The following PHACTR1 variants were observed in gnomAD, a reference collection of about 807,000 sequenced individuals.
The protein encoded by PHACTR1 is RPEL repeat containing 1.
A neutral mutation model predicts 69.2 loss-of-function variants in PHACTR1; 16 were observed. That is an observed-to-expected ratio of 0.23 (90% CI 0.16 to 0.35). The LOEUF (loss-of-function observed/expected upper bound fraction) is 0.35. PHACTR1 is among the 10% of genes least tolerant of loss of function. The pLI, the probability that PHACTR1 is intolerant of heterozygous loss-of-function variation, is 1.00. For missense variants in PHACTR1, 510 were observed against 734.7 expected, an observed-to-expected ratio of 0.69 and a Z score of 3.54; for synonymous variants, 312 against 284.5, an observed-to-expected ratio of 1.10 and a Z score of -0.97.
chr6:13,224,845 G>A (rs6458720), intron 8 of PHACTR1, among the ~76,000 whole-genome samples: 100,484 of 152,010 alleles, frequency 0.66, 33,749 homozygotes, highest in Admixed American at 0.72. Context: ...CGCTCCGACA[G>A]CTCTGGAGAC....
chr6:12,846,228 C>T (rs948961206), intron 4 of PHACTR1, among the ~76,000 whole-genome samples: 23 of 152,264 alleles, frequency 1.5e-4, no homozygotes, highest in African/African-American at 4.6e-4. Context: ...GCTTAGTAAG[C>T]ATGTGCGTTT....
At chr6:12,937,699 G>A (rs1408487192) in intron 4 of PHACTR1, among the ~76,000 whole-genome samples, 1 of 152,090 alleles carries the variant, frequency 6.6e-6, no homozygotes, top group Non-Finnish European at 1.5e-5. Context: ...TCCCAGAGAG[G>A]GTGCTGAGTA....
chr6:12,806,739 A>G, intron 4 of PHACTR1, among the ~76,000 whole-genome samples: 1 of 152,302 alleles, frequency 6.6e-6, no homozygotes, highest in East Asian at 1.9e-4. Flanking sequence ...TTTTTTTATA[A>G]AACAGATCTG....
rs140200239 is a variant in PHACTR1, at chr6:13,068,612, G to A, written c.415+15083G>A. Among the ~76,000 whole-genome samples the A allele has an allele frequency of 1.8e-3, 269 of 152,246 alleles. 1 individual carries two copies. Among genetic ancestry groups the A allele is most frequent in the African/African-American group, 6.3e-3 (263 of 41,542 alleles). ...AGTTTAGGAGCCTGCCTTTAGACAC[G>A]TTGTACAATTCCACAAAGCTGGAGT... is the stretch of plus-strand genomic sequence containing the variant. On this transcript the variant is annotated intron_variant, in intron 5 of 14. Coordinates refer to ENST00000332995, the MANE Select transcript of PHACTR1 (RefSeq NM_030948.6).
chr6:13,031,747 A>C (rs1802484959), intron 4 of PHACTR1, among the ~76,000 whole-genome samples: 1 of 152,066 alleles, frequency 6.6e-6, no homozygotes, highest in African/African-American at 2.4e-5. Flanking sequence ...AATAAGATTG[A>C]CATTACTCAT....
At chr6:13,205,440 A>T (rs1298477289) in intron 7 of PHACTR1, among the ~76,000 whole-genome samples, 1 of 152,224 alleles carries the variant, frequency 6.6e-6, no homozygotes, top group Non-Finnish European at 1.5e-5. Flanking sequence ...TCCAAACCAT[A>T]GTTTGGCGTA....
intron 4 of PHACTR1, among the ~76,000 whole-genome samples, chr6:12,817,194 G>A (rs1355857031): frequency 1.3e-5 from 2 of 152,112 alleles, no homozygotes; most frequent in Non-Finnish European, 2.9e-5. Context: ...AGTGAATTTG[G>A]GGAGAGTGGA....
At chr6:12,806,804 A>G (rs2127687248) in intron 4 of PHACTR1, among the ~76,000 whole-genome samples, 1 of 152,316 alleles carries the variant, frequency 6.6e-6, no homozygotes, top group Middle Eastern at 3.4e-3. Context: ...GGATGATTAA[A>G]ATACTTTACA....
At chr6:13,132,496 G>A (rs1276139103) in intron 5 of PHACTR1, among the ~76,000 whole-genome samples, 2 of 152,102 alleles carry the variant, frequency 1.3e-5, no homozygotes, top group African/African-American at 4.8e-5. Flanking sequence ...GTCTATTCAC[G>A]ATGTCATGGT....
At chr6:13,103,809 T>C (rs1937771) in intron 5 of PHACTR1, among the ~76,000 whole-genome samples, 68,252 of 152,142 alleles carry the variant, frequency 0.45, 15,777 homozygotes, top group South Asian at 0.52. Context: ...ATTGGCAGGG[T>C]GCAGTGGCGC....
At chr6:12,733,828 C>T (rs925834641) in intron 3 of PHACTR1, among the ~76,000 whole-genome samples, 1 of 152,180 alleles carries the variant, frequency 6.6e-6, no homozygotes, top group East Asian at 1.9e-4. Context: ...CCATTAATTA[C>T]AGCAACTATA....
chr6:13,128,820 C>T (rs1819954756), intron 5 of PHACTR1, among the ~76,000 whole-genome samples: 1 of 151,984 alleles, frequency 6.6e-6, no homozygotes, highest in Non-Finnish European at 1.5e-5. Context: ...AAACTCATTG[C>T]AAAAAGATTA....
In PHACTR1 at chr6:12,718,756, C is replaced by T; in HGVS notation, c.12C>T (p.Pro4=). The change falls in exon 3 of 15, where the codon CCC becomes CCT. Residue 4 remains proline (P), a synonymous_variant. Coordinates refer to ENST00000332995, the MANE Select transcript of PHACTR1 (RefSeq NM_030948.6). MDY[P]KMDYFLDVES... is the part of the protein sequence containing the mutation. ...TTGGAACATCAAGGATGGATTATCCCAAAATGGATTATTTTCTGGATGTAG... is the reference window on the plus strand; with the variant it reads ...TTGGAACATCAAGGATGGATTATCCTAAAATGGATTATTTTCTGGATGTAG... 1 of 1,549,428 alleles carries T rather than the reference C, an allele frequency of 6.5e-7. No homozygotes were observed. The highest frequency in any genetic ancestry group is 8.8e-7 in the Non-Finnish European group (1 of 1,141,978).
At chr6:12,798,949 C>T (rs1292879929) in intron 4 of PHACTR1, among the ~76,000 whole-genome samples, 1 of 152,172 alleles carries the variant, frequency 6.6e-6, no homozygotes, top group African/African-American at 2.4e-5. Context: ...ACCAGTTGCA[C>T]CCAAAAGTAT....
chr6:13,224,081 C>A (rs1057491139), intron 8 of PHACTR1, among the ~76,000 whole-genome samples: 12 of 152,198 alleles, frequency 7.9e-5, no homozygotes, highest in African/African-American at 2.9e-4. Flanking sequence ...ATATTTATTT[C>A]ATTCGGCTAA....
chr6:13,163,979 C>T (rs1583664341), intron 6 of PHACTR1, among the ~76,000 whole-genome samples: 1 of 152,122 alleles, frequency 6.6e-6, no homozygotes, highest in East Asian at 1.9e-4. Context: ...TTATGTGCCT[C>T]ACCCTAGGTG....
intron 8 of PHACTR1, among the ~76,000 whole-genome samples, chr6:13,224,625 T>G (rs1325473430): frequency 6.6e-6 from 1 of 152,218 alleles, no homozygotes; most frequent in Non-Finnish European, 1.5e-5. Flanking sequence ...GTGACTGATG[T>G]TCTGCTGGGT....
At chr6:12,794,251 C>G (rs1172548689) in intron 4 of PHACTR1, among the ~76,000 whole-genome samples, 1 of 152,214 alleles carries the variant, frequency 6.6e-6, no homozygotes, top group African/African-American at 2.4e-5. Context: ...AGAGATCAAA[C>G]TATGAACAGG....
chr6:13,269,568 T>A (rs1179493254), intron 10 of PHACTR1, among the ~76,000 whole-genome samples: 1 of 152,198 alleles, frequency 6.6e-6, no homozygotes, highest in East Asian at 1.9e-4. Context: ...CAGTGGCTCA[T>A]GCCTGTAATC....
Sources: allele counts gnomAD v4.1 joint callset (sites outside exome capture counted in the v4.1 genomes callset), GRCh38; gene constraint gnomAD v4.1.1; transcripts MANE v1.5; gene names NCBI Gene and HGNC (gene_info 2026-07-23, HGNC 2026-07-21).